The following CADM1 variants were observed in gnomAD, a reference collection of about 807,000 sequenced individuals.
CADM1 encodes cell adhesion molecule 1.
A neutral mutation model predicts 53.1 loss-of-function variants in CADM1; 15 were observed. The observed-to-expected ratio is 0.28, with a 90% CI of 0.19 to 0.44. CADM1 has a LOEUF of 0.44. Among genes scored for constraint, CADM1 ranks in the 20% least tolerant of loss-of-function variants. The probability of loss-of-function intolerance (pLI) is 1.00; values close to 1 mark genes in which losing one functional copy is unlikely to be tolerated. For missense variants in CADM1, 434 were observed against 611.3 expected (o/e 0.71, Z 3.06); for synonymous variants, 281 against 243.0 (o/e 1.16, Z -1.45).
intron 1 of CADM1, among the ~76,000 whole-genome samples, chr11:115,492,961 ACC>A (rs745860168): frequency 1.3e-5 from 2 of 149,368 alleles, no homozygotes; most frequent in Non-Finnish European, 3.0e-5. Context: ...ACACACACAC[ACC>A]CTTGTTTGCT....
intron 1 of CADM1, among the ~76,000 whole-genome samples, chr11:115,453,387 CAA>C (rs11286640): frequency 9.4e-5 from 13 of 138,580 alleles, no homozygotes; most frequent in South Asian, 2.4e-4. Flanking sequence ...CAAAAAAAAC[CAA>C]AAAAAAAAAA....
chr11:115,200,773 C>A (rs1350718619), intron 8 of CADM1, among the ~76,000 whole-genome samples: 1 of 152,272 alleles, frequency 6.6e-6, no homozygotes, highest in Middle Eastern at 3.4e-3. Flanking sequence ...GGATTACAGG[C>A]GTGAGGCACC....
intron 1 of CADM1, among the ~76,000 whole-genome samples, chr11:115,437,633 T>C (rs1948213334): frequency 1.3e-5 from 2 of 152,198 alleles, no homozygotes; most frequent in African/African-American, 4.8e-5. Flanking sequence ...TTATCTTTCA[T>C]CACAAAACAT....
At chr11:115,228,457 T>G (rs1273885780) in intron 5 of CADM1, among the ~76,000 whole-genome samples, 1 of 152,162 alleles carries the variant, frequency 6.6e-6, no homozygotes, top group Non-Finnish European at 1.5e-5. Context: ...AAATACAAAG[T>G]GAGAAGCTGG....
At chr11:115,439,065 G>A (rs535739832) in intron 1 of CADM1, among the ~76,000 whole-genome samples, 4 of 152,240 alleles carry the variant, frequency 2.6e-5, no homozygotes, top group Admixed American at 6.5e-5. Flanking sequence ...TACCTGCCAC[G>A]CACAGCAGCT....
intron 3 of CADM1, among the ~76,000 whole-genome samples, chr11:115,232,032 A>AACC (rs1941837271): frequency 6.6e-6 from 1 of 151,890 alleles, no homozygotes; most frequent in African/African-American, 2.4e-5. Context: ...CAACAACAAC[A>AACC]ACCAATGTCT....
rs190727515 is a variant in CADM1, at chr11:115,359,846, G to A, written c.125-119426C>T. Among the ~76,000 whole-genome samples, 31 of 152,218 alleles carry A rather than the reference G, an allele frequency of 2.0e-4. No homozygotes were observed. In the East Asian group the frequency reaches 2.1e-3, roughly 10 times the overall value. On this transcript the variant is annotated intron_variant, in intron 1 of 11. Transcript: ENST00000331581. ...TAGTAGGGTTAAGTTTGAGACCTAC[G>A]AAAATAATAAGGCATGTGCTAAATC...
At chr11:115,254,161 T>C (rs541615511) in intron 1 of CADM1, among the ~76,000 whole-genome samples, 5 of 152,292 alleles carry the variant, frequency 3.3e-5, no homozygotes, top group African/African-American at 1.2e-4. Context: ...TTAATCATCT[T>C]TGTATCTCGA....
chr11:115,503,474 C>T (rs1260725005), intron 1 of CADM1, among the ~76,000 whole-genome samples: 1 of 152,120 alleles, frequency 6.6e-6, no homozygotes, highest in African/African-American at 2.4e-5. Context: ...CCGGGAAATC[C>T]CGTGTCCCCA....
intron 5 of CADM1, among the ~76,000 whole-genome samples, chr11:115,221,922 A>G (rs1375681569): frequency 6.6e-6 from 1 of 152,122 alleles, no homozygotes. Flanking sequence ...GAATTTCTAA[A>G]TCAGGAAATG....
chr11:115,352,344 C>T (rs1237641998), intron 1 of CADM1, among the ~76,000 whole-genome samples: 1 of 152,150 alleles, frequency 6.6e-6, no homozygotes, highest in Admixed American at 6.5e-5. Flanking sequence ...AGATATAGTG[C>T]CCTGCATTTA....
chr11:115,292,045 A>G (rs932290807), intron 1 of CADM1, among the ~76,000 whole-genome samples: 1 of 149,620 alleles, frequency 6.7e-6, no homozygotes, highest in East Asian at 2.1e-4. Context: ...ACACCTAAGA[A>G]TAATGAAGAC....
At chr11:115,268,501 G>C (rs1943207855) in intron 1 of CADM1, among the ~76,000 whole-genome samples, 2 of 152,044 alleles carry the variant, frequency 1.3e-5, no homozygotes, top group Admixed American at 1.3e-4. Context: ...CTAGGAAAAG[G>C]GCCACAGAAG....
chr11:115,272,351 T>C (rs77107097), intron 1 of CADM1, among the ~76,000 whole-genome samples: 97 of 147,492 alleles, frequency 6.6e-4, no homozygotes, highest in African/African-American at 2.5e-3. Context: ...GATGAACAGA[T>C]TTTTTTTTTG....
chr11:115,342,044 A>T (rs1565376163), intron 1 of CADM1, among the ~76,000 whole-genome samples: 1 of 152,180 alleles, frequency 6.6e-6, no homozygotes, highest in Non-Finnish European at 1.5e-5. Flanking sequence ...TAAAAAATGC[A>T]TACCCAATAT....
At chr11:115,404,340 AAAAAAAATATAT>A (rs1947245584) in intron 1 of CADM1, among the ~76,000 whole-genome samples, 1 of 46,372 alleles carries the variant, frequency 2.2e-5, no homozygotes, top group South Asian at 7.1e-4. Context: ...AAAAAAAAAA[AAAAAAAATATAT>A]ATATATATAT....
At chr11:115,491,788 T>C (rs902977740) in intron 1 of CADM1, among the ~76,000 whole-genome samples, 1 of 152,156 alleles carries the variant, frequency 6.6e-6, no homozygotes, top group Non-Finnish European at 1.5e-5. Context: ...AAGGATGAGA[T>C]CATGTCCTTT....
intron 1 of CADM1, among the ~76,000 whole-genome samples, chr11:115,285,706 G>C (rs1012968293): frequency 1.3e-5 from 2 of 152,134 alleles, no homozygotes; most frequent in African/African-American, 4.8e-5. Flanking sequence ...TGAGGTAGAA[G>C]AGAAATTAAT....
intron 1 of CADM1, among the ~76,000 whole-genome samples, chr11:115,420,239 C>G (rs946258066): frequency 1.3e-5 from 2 of 152,144 alleles, no homozygotes; most frequent in Non-Finnish European, 2.9e-5. Context: ...AAAGACGTGT[C>G]CACACAGGAG....
Sources: allele counts gnomAD v4.1 joint callset (sites outside exome capture counted in the v4.1 genomes callset), GRCh38; gene constraint gnomAD v4.1.1; transcripts MANE v1.5; gene names NCBI Gene and HGNC (gene_info 2026-07-23, HGNC 2026-07-21).